SUGCT: variants seen among roughly 807,000 people sequenced by gnomAD.
SUGCT encodes succinyl-CoA:glutarate-CoA transferase.
A neutral mutation model predicts 55.0 loss-of-function variants in SUGCT; 41 were observed. The observed-to-expected ratio is 0.74, with a 90% CI of 0.58 to 0.97. SUGCT has a LOEUF of 0.97. Ranked by LOEUF, SUGCT falls within the 50% of genes least tolerant of loss-of-function variation. The probability of loss-of-function intolerance (pLI) is 0.00; values close to 1 mark genes in which losing one functional copy is unlikely to be tolerated. For synonymous variants in SUGCT, 187 were observed against 200.4 expected (o/e 0.93, Z 0.56); for missense variants, 568 against 547.8 (o/e 1.04, Z -0.37).
chr7:40,225,057 G>T (rs1310189752), intron 6 of SUGCT, among the ~76,000 whole-genome samples: 1 of 152,192 alleles, frequency 6.6e-6, no homozygotes. Flanking sequence ...GTGCTGTCTA[G>T]TTGAGGAAAA....
At chr7:40,721,564 C>T (rs931069707) in intron 12 of SUGCT, among the ~76,000 whole-genome samples, 1 of 152,210 alleles carries the variant, frequency 6.6e-6, no homozygotes, top group Non-Finnish European at 1.5e-5. Context: ...TCAGTCACTA[C>T]CATCTGTCAC....
the SUGCT span, among the ~76,000 whole-genome samples, chr7:40,963,351 A>T: frequency 6.6e-5 from 10 of 152,074 alleles, no homozygotes; most frequent in Non-Finnish European, 1.0e-4. Context: ...TTCTTCATTG[A>T]TTTTTACTAG....
chr7:40,953,560 G>A, the SUGCT span, among the ~76,000 whole-genome samples: 33 of 152,344 alleles, frequency 2.2e-4, no homozygotes, highest in African/African-American at 7.5e-4. Context: ...TTTCTGCTCT[G>A]TTTTTTCCCC....
At chr7:40,321,965 A>G (rs947121277) in intron 9 of SUGCT, among the ~76,000 whole-genome samples, 1 of 152,182 alleles carries the variant, frequency 6.6e-6, no homozygotes, top group East Asian at 1.9e-4. Flanking sequence ...GGATTGCTGG[A>G]TTGAATGGTA....
chr7:40,425,987 A>G (rs1787568895), intron 9 of SUGCT, among the ~76,000 whole-genome samples: 2 of 152,334 alleles, frequency 1.3e-5, no homozygotes, highest in South Asian at 4.1e-4. Context: ...ATGATCATGC[A>G]AAGTAATTGA....
At chr7:40,833,832 A>G (rs1792822516) in intron 13 of SUGCT, among the ~76,000 whole-genome samples, 1 of 152,264 alleles carries the variant, frequency 6.6e-6, no homozygotes, top group South Asian at 2.1e-4. Context: ...GTTTTGTACA[A>G]GAAGTGCATT....
At chr7:40,547,820 T>A (rs1795075673) in intron 12 of SUGCT, among the ~76,000 whole-genome samples, 2 of 152,206 alleles carry the variant, frequency 1.3e-5, no homozygotes, top group Admixed American at 1.3e-4. Context: ...GGATTATTTT[T>A]AATCATTTTG....
chr7:40,625,630 T>C (rs1346356323), intron 12 of SUGCT, among the ~76,000 whole-genome samples: 1 of 152,150 alleles, frequency 6.6e-6, no homozygotes, highest in Non-Finnish European at 1.5e-5. Context: ...AGGCAACTCA[T>C]TAGGGTATTT....
At chr7:40,415,721 A>G (rs1229711839) in intron 9 of SUGCT, among the ~76,000 whole-genome samples, 2 of 152,118 alleles carry the variant, frequency 1.3e-5, no homozygotes, top group Non-Finnish European at 2.9e-5. Context: ...ATAGATAACT[A>G]GTTTTGACAG....
intron 9 of SUGCT, among the ~76,000 whole-genome samples, chr7:40,328,844 G>A (rs763809692): frequency 3.9e-5 from 6 of 152,098 alleles, no homozygotes; most frequent in Non-Finnish European, 8.8e-5. Flanking sequence ...TCCTAGAACT[G>A]TGGACCTAAA....
chr7:40,718,294 ATGTT>A (rs1226263272), intron 12 of SUGCT, among the ~76,000 whole-genome samples: 1 of 152,214 alleles, frequency 6.6e-6, no homozygotes, highest in African/African-American at 2.4e-5. Context: ...TTCAGAAACA[ATGTT>A]TGAGAAGAAA....
At chr7:40,883,729 T>C in the SUGCT span, among the ~76,000 whole-genome samples, 1 of 152,210 alleles carries the variant, frequency 6.6e-6, no homozygotes. Context: ...TTTTAATGTA[T>C]GAATTTTGTA....
At chr7:40,560,787 A>G (rs994836676) in intron 12 of SUGCT, among the ~76,000 whole-genome samples, 1 of 152,248 alleles carries the variant, frequency 6.6e-6, no homozygotes, top group Non-Finnish European at 1.5e-5. Context: ...TAAGAAGACT[A>G]GGAATATTTG....
rs564636604 is a variant in SUGCT at position 40,181,520 on chromosome 7, C to T, written c.153-435C>T. On this transcript the variant is annotated intron_variant, in intron 2 of 13. Transcript: ENST00000335693. ...CAGCACTTTGGGAGGCTGAGGCGGG[C>T]GGATCATGAGGTCAGGAGATCGAGA... is the stretch of plus-strand genomic sequence containing the variant. Among the ~76,000 whole-genome samples the T allele has an allele frequency of 9.3e-4, 141 of 151,848 alleles. 1 individual carries two copies. In the South Asian group the frequency reaches 0.02, roughly 21 times the overall value.
intron 13 of SUGCT, among the ~76,000 whole-genome samples, chr7:40,828,563 T>G (rs1454247900): frequency 6.9e-6 from 1 of 144,568 alleles, no homozygotes; most frequent in Non-Finnish European, 1.5e-5. Context: ...AAACTGTGTC[T>G]GACTTGCTAC....
In SUGCT at chr7:40,404,555, G is replaced by A. The variant is rs926946256; in HGVS notation, c.817-44732G>A. Among the ~76,000 whole-genome samples, 5 of 152,112 alleles carry A rather than the reference G, an allele frequency of 3.3e-5. No individual in the cohort carries two copies. In the East Asian group the frequency reaches 9.7e-4, roughly 30 times the overall value. ...TGGGTTAAGCGATTCTCCTGCCTCA[G>A]CCTCCCTAGCAGCTGGGATTACAGG... On this transcript the variant is annotated intron_variant, in intron 9 of 13. Transcript: ENST00000335693.
At chr7:40,907,060 T>G in the SUGCT span, among the ~76,000 whole-genome samples, 1 of 151,628 alleles carries the variant, frequency 6.6e-6, no homozygotes, top group Non-Finnish European at 1.5e-5. Context: ...AAGATGGAAG[T>G]AGGTTATACT....
intron 12 of SUGCT, among the ~76,000 whole-genome samples, chr7:40,634,610 G>A (rs955815266): frequency 3.3e-5 from 5 of 152,106 alleles, no homozygotes; most frequent in African/African-American, 1.2e-4. Flanking sequence ...AAACAATGAA[G>A]CAAAACAAAA....
the SUGCT span, among the ~76,000 whole-genome samples, chr7:40,962,515 G>A: frequency 6.6e-6 from 1 of 151,440 alleles, no homozygotes. Flanking sequence ...AATAGACTGT[G>A]CTCACCAAGA....
Sources: allele counts gnomAD v4.1 joint callset (sites outside exome capture counted in the v4.1 genomes callset), GRCh38; gene constraint gnomAD v4.1.1; transcripts MANE v1.5; gene names NCBI Gene and HGNC (gene_info 2026-07-23, HGNC 2026-07-21).